Variants in ARHGAP19 observed in about 807,000 individuals in gnomAD.
ARHGAP19 encodes rho GTPase-activating protein 19.
Under a neutral mutation model 60.9 loss-of-function variants are expected in ARHGAP19, and 48 were observed. That is an observed-to-expected ratio of 0.79 (90% CI 0.62 to 1.00). The LOEUF is 1.00. ARHGAP19 is among the 50% of genes least tolerant of loss of function. ARHGAP19 has a pLI of 0.00. For missense variants in ARHGAP19, 562 were observed against 597.2 expected (o/e 0.94, Z 0.61); for synonymous variants, 209 against 215.5 (o/e 0.97, Z 0.27).
rs909741885 is a variant in ARHGAP19 at position 97,273,479 on chromosome 10, G to GCT, written c.57-7356_57-7355dup. On this transcript the variant is annotated intron_variant, in intron 1 of 11. Coordinates refer to ENST00000358531, the MANE Select transcript of ARHGAP19 (RefSeq NM_032900.6). ...CGCCCAGCCTATTTCATTAATTTCT[G>GCT]CTCTCTTTTTTTTTTTTTTTTTTTT... Among the ~76,000 whole-genome samples, 34 of 125,430 alleles carry GCT rather than the reference G, an allele frequency of 2.7e-4. No homozygotes were observed. In the East Asian group the frequency reaches 5.0e-3, roughly 18 times the overall value. The allele number at this position is 125,430 out of a possible 152,430, so 82.3% of individuals were successfully genotyped here.
In ARHGAP19 at chr10:97,263,890, T is replaced by C. The variant is rs568727105; in HGVS notation, c.404-261A>G. On this transcript the variant is annotated intron_variant, in intron 3 of 11. Transcript: ENST00000358531. ...GTCATTCAACCTCCTGAGGTATGGA[T>C]AGACAATCTGAATTTAACCCAATCA... Among the ~76,000 whole-genome samples, 12 of 152,280 alleles carry C rather than the reference T, an allele frequency of 7.9e-5. 1 individual carries two copies. The highest frequency in any genetic ancestry group is 2.9e-4 in the African/African-American group (12 of 41,562).
At chr10:97,262,442 C>T (rs1028515038) in intron 4 of ARHGAP19, among the ~76,000 whole-genome samples, 2 of 150,082 alleles carry the variant, frequency 1.3e-5, no homozygotes, top group African/African-American at 4.9e-5. Flanking sequence ...CAAGGTAGGC[C>T]GATCACAAGA....
intron 8 of ARHGAP19, among the ~76,000 whole-genome samples, chr10:97,239,540 GA>G: frequency 7.7e-6 from 1 of 129,784 alleles, no homozygotes; most frequent in Non-Finnish European, 1.6e-5. Flanking sequence ...GAGTGAGAGA[GA>G]GAGAGAGAGG....
intron 1 of ARHGAP19, among the ~76,000 whole-genome samples, chr10:97,281,683 G>A (rs1005796389): frequency 3.3e-5 from 5 of 152,172 alleles, no homozygotes; most frequent in Admixed American, 6.6e-5. Flanking sequence ...AGTGCTACGC[G>A]ATTTCAAATA....
At chr10:97,291,080 A>G (rs1843225285) in intron 1 of ARHGAP19, among the ~76,000 whole-genome samples, 2 of 152,134 alleles carry the variant, frequency 1.3e-5, no homozygotes, top group African/African-American at 4.8e-5. Flanking sequence ...TAAAATGCTA[A>G]TTAGGCAAAA....
intron 1 of ARHGAP19, among the ~76,000 whole-genome samples, chr10:97,283,440 G>C (rs2992773): frequency 0.24 from 35,706 of 151,726 alleles, 4,613 homozygotes; most frequent in Non-Finnish European, 0.3. Context: ...TGTAGTCCCA[G>C]CTACTCGGGA....
At chr10:97,251,096 GGGA>G in intron 6 of ARHGAP19, among the ~76,000 whole-genome samples, 1 of 144,050 alleles carries the variant, frequency 6.9e-6, no homozygotes, top group Non-Finnish European at 1.5e-5. Context: ...AAAGGGGAAG[GGGA>G]AAAGGAAGGG....
At chr10:97,227,004 G>A (rs1038583252) in intron 11 of ARHGAP19, among the ~76,000 whole-genome samples, 2 of 152,182 alleles carry the variant, frequency 1.3e-5, no homozygotes, top group Admixed American at 1.3e-4. Context: ...ACAACTGGGG[G>A]AAGGATGCTC....
At chr10:97,231,392 C>T (rs1851014052) in intron 9 of ARHGAP19, among the ~76,000 whole-genome samples, 3 of 151,914 alleles carry the variant, frequency 2.0e-5, no homozygotes, top group Admixed American at 2.0e-4. Flanking sequence ...CAACCATCAC[C>T]ATCATCTATC....
chr10:97,238,163 G>A (rs1354112961), intron 8 of ARHGAP19, among the ~76,000 whole-genome samples: 1 of 152,146 alleles, frequency 6.6e-6, no homozygotes, highest in Non-Finnish European at 1.5e-5. Flanking sequence ...TAATGATCCT[G>A]TGTAGGCCTA....
intron 4 of ARHGAP19, among the ~76,000 whole-genome samples, chr10:97,262,175 CT>C (rs1405381804): frequency 4.3e-4 from 37 of 85,588 alleles, no homozygotes; most frequent in African/African-American, 1.1e-3. Flanking sequence ...AACAGGCTTT[CT>C]TTTAAAAAAA....
chr10:97,254,074 T>C (rs541274043), intron 6 of ARHGAP19, among the ~76,000 whole-genome samples: 7 of 152,296 alleles, frequency 4.6e-5, no homozygotes, highest in Admixed American at 3.9e-4. Flanking sequence ...ATTGCTAAGA[T>C]GTCAATACTA....
intron 9 of ARHGAP19, among the ~76,000 whole-genome samples, chr10:97,234,415 T>TAAAAAAAAAAAAAAAAAAAAAAAAAA (rs10592924): frequency 8.1e-6 from 1 of 124,172 alleles, no homozygotes; most frequent in Non-Finnish European, 1.6e-5. Flanking sequence ...AAATAAAAAT[T>TAAAAAAAAAAAAAAAAAAAAAAAAAA]AAAAAAAAAA....
intron 1 of ARHGAP19, among the ~76,000 whole-genome samples, chr10:97,281,700 A>G (rs1843088426): frequency 6.6e-6 from 1 of 152,198 alleles, no homozygotes; most frequent in South Asian, 2.1e-4. Context: ...AATAGTAGCT[A>G]AAGACCACAA....
intron 9 of ARHGAP19, among the ~76,000 whole-genome samples, chr10:97,231,546 G>A (rs1388526231): frequency 6.6e-6 from 1 of 152,008 alleles, no homozygotes; most frequent in Non-Finnish European, 1.5e-5. Context: ...GTACCTCAGT[G>A]GAATCATACA....
intron 9 of ARHGAP19, among the ~76,000 whole-genome samples, chr10:97,233,977 A>T (rs1349116677): frequency 6.6e-6 from 1 of 150,854 alleles, no homozygotes; most frequent in East Asian, 2.0e-4. Context: ...GTATTAAGAA[A>T]AGTAGCTGGC....
In ARHGAP19 at chr10:97,241,659, G is replaced by A. The variant is rs530742647; in HGVS notation, c.1185+2309C>T. On this transcript the variant is annotated intron_variant, in intron 8 of 11. Coordinates refer to ENST00000358531, the MANE Select transcript of ARHGAP19 (RefSeq NM_032900.6). ...ACCCAGGAGGCAGAGGTGGCAGTGA[G>A]CCGAGATCGCACCACTGCACTCCAG... Among the ~76,000 whole-genome samples, 5 of 146,712 alleles carry A rather than the reference G, an allele frequency of 3.4e-5. No homozygotes were observed. In the East Asian group the frequency reaches 1.0e-3, roughly 30 times the overall value.
intron 1 of ARHGAP19, among the ~76,000 whole-genome samples, chr10:97,286,186 CTG>C: frequency 6.6e-6 from 1 of 152,314 alleles, no homozygotes; most frequent in African/African-American, 2.4e-5. Context: ...TCTCACTTAA[CTG>C]TGCATGTAAG....
At position 97,223,564 on chromosome 10, in the gene ARHGAP19, C is replaced by A. The variant is rs1289490188; in HGVS notation, c.*2558G>T. 6.6e-6 allele frequency: 1 copy of A among 152,016 alleles called. No homozygotes were observed. Among genetic ancestry groups the A allele is most frequent in the Non-Finnish European group, 1.5e-5 (1 of 68,026 alleles). 9.4% of individuals were successfully genotyped at this position (152,016 alleles called of 1,614,324 possible). ...ACATCAAAGCCCATCACAGGTGACCCCAGAAAGAAATGAAGTTGTAAAAGC... is the reference window on the plus strand; with the variant it reads ...ACATCAAAGCCCATCACAGGTGACCACAGAAAGAAATGAAGTTGTAAAAGC... On this transcript the variant is annotated 3_prime_UTR_variant, in exon 12 of 12. Coordinates refer to ENST00000358531, the MANE Select transcript of ARHGAP19 (RefSeq NM_032900.6).
Sources: allele counts gnomAD v4.1 joint callset (sites outside exome capture counted in the v4.1 genomes callset), GRCh38; gene constraint gnomAD v4.1.1; transcripts MANE v1.5; gene names NCBI Gene and HGNC (gene_info 2026-07-23, HGNC 2026-07-21).